Variants in MYOD1 observed in about 807,000 individuals in gnomAD.
MYOD1 encodes myoblast determination protein 1.
Under a neutral mutation model 14.9 loss-of-function variants are expected in MYOD1, and 15 were observed. The ratio of observed to expected loss-of-function variants is 1.01; its 90% confidence interval spans 0.67 to 1.55. The LOEUF (loss-of-function observed/expected upper bound fraction) is 1.55. MYOD1 is among the 40% of genes most tolerant of loss of function. The probability of loss-of-function intolerance (pLI) is 0.00; values close to 1 mark genes in which losing one functional copy is unlikely to be tolerated. For synonymous variants in MYOD1, 235 were observed against 218.6 expected (o/e 1.07, Z -0.66); for missense variants, 529 against 482.6 (o/e 1.10, Z -0.90).
rs931960758 is a variant in MYOD1 at position 17,719,905 on chromosome 11, C to T, written c.123C>T (p.Arg41=). 4 of 1,613,862 alleles carry T rather than the reference C, an allele frequency of 2.5e-6. No individual in the cohort carries two copies. The African/African-American group carries it at 5.3e-5, about 22-fold the overall frequency. ...DDPCFDSPDL[R]FFEDLDPRLM... Reference sequence around the variant, plus strand: ...CGTGTTTCGACTCCCCGGACCTGCGCTTCTTCGAAGACCTGGACCCGCGCC... The same window carrying T: ...CGTGTTTCGACTCCCCGGACCTGCGTTTCTTCGAAGACCTGGACCCGCGCC... Residue 41 remains arginine, a synonymous_variant, in exon 1 of 3, where the codon CGC becomes CGT. Coordinates refer to ENST00000250003, the MANE Select transcript of MYOD1 (RefSeq NM_002478.5).
At position 17,721,174 on chromosome 11, in the gene MYOD1, C is replaced by A; in HGVS notation, c.710-81C>A. ...CTAACTAAAGTCCTCAGTTTCCAATCTGTCTCAAAGTACTGGGCCCGGGGG... is the reference window on the plus strand; with the variant it reads ...CTAACTAAAGTCCTCAGTTTCCAATATGTCTCAAAGTACTGGGCCCGGGGG... On this transcript the variant is annotated intron_variant, in intron 2 of 2. Coordinates refer to ENST00000250003, the MANE Select transcript of MYOD1 (RefSeq NM_002478.5). This position sits in a 1 kb window ranked among gnomAD's most constrained non-coding sequence, Gnocchi z 6.2. The A allele has an allele frequency of 6.9e-7, 1 of 1,443,138 alleles. No homozygotes were observed. The highest frequency in any genetic ancestry group is 9.1e-7 in the Non-Finnish European group (1 of 1,097,076). 89.4% of individuals were successfully genotyped at this position (1,443,138 alleles called of 1,614,324 possible).
chr11:17,721,053 TC>T lies in MYOD1; in HGVS notation c.709+76del, dbSNP rs144067837. ...CTGTCCTGGCCTCTATCTAGGACGC[TC>T]CCACCCCCACTCACACACGCCTATG... On this transcript the variant is annotated intron_variant, in intron 2 of 2. Coordinates refer to ENST00000250003, the MANE Select transcript of MYOD1 (RefSeq NM_002478.5). This position sits in a 1 kb window ranked among gnomAD's most constrained non-coding sequence, Gnocchi z 6.2. 59,406 of 1,444,554 alleles carry T rather than the reference TC, an allele frequency of 0.041. 1,426 individuals carry two copies. Among genetic ancestry groups the T allele is most frequent in the Non-Finnish European group, 0.048 (52,422 of 1,086,802 alleles). The allele number at this position is 1,444,554 out of a possible 1,614,324, so 89.5% of individuals were successfully genotyped here.
At position 17,719,908 on chromosome 11, in the gene MYOD1, C is replaced by A. The variant is rs1848619077; in HGVS notation, c.126C>A (p.Phe42Leu). The A allele has an allele frequency of 6.2e-7, 1 of 1,613,846 alleles. No individual in the cohort carries two copies. Among genetic ancestry groups the A allele is most frequent in the Non-Finnish European group, 8.5e-7 (1 of 1,180,000 alleles). Residue 42 changes from phenylalanine to leucine, a missense_variant, in exon 1 of 3, where the codon TTC becomes TTA. By Grantham distance (22) the Phe-to-Leu change is conservative. Coordinates refer to ENST00000250003, the MANE Select transcript of MYOD1 (RefSeq NM_002478.5). ...DPCFDSPDLR[F>L]FEDLDPRLMH... The stretch of plus-strand genomic sequence containing the variant: ...GTTTCGACTCCCCGGACCTGCGCTT[C>A]TTCGAAGACCTGGACCCGCGCCTGA...
At position 17,721,532 on chromosome 11, in the gene MYOD1, C is replaced by G; in HGVS notation, c.*24C>G. 6.7e-7 allele frequency: 1 copy of G among 1,497,422 alleles called. No individual in the cohort carries two copies. The highest frequency in any genetic ancestry group is 8.9e-7 in the Non-Finnish European group (1 of 1,129,420). 92.8% of individuals were successfully genotyped at this position (1,497,422 alleles called of 1,614,324 possible). On this transcript the variant is annotated 3_prime_UTR_variant, in exon 3 of 3. Coordinates refer to ENST00000250003, the MANE Select transcript of MYOD1 (RefSeq NM_002478.5). This position sits in a 1 kb window ranked among gnomAD's most constrained non-coding sequence, Gnocchi z 6.2. The stretch of plus-strand genomic sequence containing the variant: ...GAGGGGATGGTGGCCGCCCACCCGC[C>G]CGAGGGATGGTGCCCCTAGGGTCCC...
rs1345016870 is a variant in MYOD1, at chr11:17,720,019, G to A, written c.237G>A (p.Glu79=). 6.3e-7 allele frequency: 1 copy of A among 1,590,770 alleles called. No individual in the cohort carries two copies. The highest frequency in any genetic ancestry group is 8.6e-7 in the Non-Finnish European group (1 of 1,168,946). Residue 79 remains glutamate (E), a synonymous_variant, in exon 1 of 3, where the codon GAG becomes GAA. Coordinates refer to ENST00000250003, the MANE Select transcript of MYOD1 (RefSeq NM_002478.5). ...CGGCCCCGGGCGCACGTGAGGACGA[G>A]CATGTGCGCGCGCCCAGCGGGCACC... ...VHPAPGARED[E]HVRAPSGHHQ...
rs1848626022 is a variant in MYOD1 at position 17,720,400 on chromosome 11, C to T, written c.618C>T (p.Cys206=). Reference sequence around the variant, plus strand: ...ACGCGTCCAGCCCGCGCTCCAACTGCTCCGACGGCATGGTAAGGCCGGGAC... The same window carrying T: ...ACGCGTCCAGCCCGCGCTCCAACTGTTCCGACGGCATGGTAAGGCCGGGAC... ...DSDASSPRSN[C]SDGMMDYSGP... Residue 206 remains cysteine, a synonymous_variant, in exon 1 of 3, where the codon TGC becomes TGT. Transcript: ENST00000250003. The T allele has an allele frequency of 1.3e-6, 2 of 1,564,088 alleles. No individual in the cohort carries two copies. Among genetic ancestry groups the T allele is most frequent in the South Asian group, 2.3e-5 (2 of 85,534 alleles).
Position 17,720,090 on chromosome 11 carries a change from G to A in MYOD1, c.308G>A (p.Arg103His), listed in dbSNP as rs1035088880. The A allele has an allele frequency of 6.4e-7, 1 of 1,573,052 alleles. No individual in the cohort carries two copies. The highest frequency in any genetic ancestry group is 1.1e-5 in the South Asian group (1 of 87,164). The change falls in exon 1 of 3, where the codon CGC becomes CAC. Residue 103 changes from arginine to histidine, a missense_variant. Arg to His is a conservative substitution (Grantham distance 29). Transcript: ENST00000250003. ...CTGTGGGCCTGCAAGGCGTGCAAGC[G>A]CAAGACCACCAACGCCGACCGCCGC... ...CLLWACKACK[R>H]KTTNADRRKA...
chr11:17,720,387 C>A lies in MYOD1; in HGVS notation c.605C>A (p.Pro202Gln). 1 of 1,563,350 alleles carries A rather than the reference C, an allele frequency of 6.4e-7. No homozygotes were observed. The highest frequency in any genetic ancestry group is 8.6e-7 in the Non-Finnish European group (1 of 1,164,578). Reference protein sequence around the residue: ...HYSGDSDASSPRSNCSDGMMD... With the variant: ...HYSGDSDASSQRSNCSDGMMD... ...AGCGGCGACTCCGACGCGTCCAGCCCGCGCTCCAACTGCTCCGACGGCATG... is the reference window on the plus strand; with the variant it reads ...AGCGGCGACTCCGACGCGTCCAGCCAGCGCTCCAACTGCTCCGACGGCATG... Residue 202 changes from proline to glutamine, a missense_variant, in exon 1 of 3, where the codon CCG (proline) becomes CAG (glutamine). Transcript: ENST00000250003.
In MYOD1 at chr11:17,720,122, G is replaced by A. The variant is rs1432646693; in HGVS notation, c.340G>A (p.Ala114Thr). The change falls in exon 1 of 3, where the codon GCC becomes ACC. Residue 114 changes from alanine to threonine, a missense_variant. By Grantham distance (58) the Ala-to-Thr change is moderately conservative. Coordinates refer to ENST00000250003, the MANE Select transcript of MYOD1 (RefSeq NM_002478.5). The stretch of plus-strand genomic sequence containing the variant: ...CACCAACGCCGACCGCCGCAAGGCC[G>A]CCACCATGCGCGAGCGGCGCCGCCT... ...KTTNADRRKA[A>T]TMRERRRLSK... is the part of the protein sequence containing the mutation. 1.9e-6 allele frequency: 3 copies of A among 1,590,330 alleles called. No individual in the cohort carries two copies. The highest frequency in any genetic ancestry group is 1.7e-6 in the Non-Finnish European group (2 of 1,169,412).
Position 17,721,530 on chromosome 11 carries a change from G to A in MYOD1, c.*22G>A, listed in dbSNP as rs1200950350. The stretch of plus-strand genomic sequence containing the variant: ...CTGAGGGGATGGTGGCCGCCCACCC[G>A]CCCGAGGGATGGTGCCCCTAGGGTC... On this transcript the variant is annotated 3_prime_UTR_variant, in exon 3 of 3. Coordinates refer to ENST00000250003, the MANE Select transcript of MYOD1 (RefSeq NM_002478.5). This position sits in a 1 kb window ranked among gnomAD's most constrained non-coding sequence, Gnocchi z 6.2. 1.3e-6 allele frequency: 2 copies of A among 1,497,582 alleles called. No homozygotes were observed. The highest frequency in any genetic ancestry group is 1.8e-6 in the Non-Finnish European group (2 of 1,129,384). The allele number at this position is 1,497,582 out of a possible 1,614,324, so 92.8% of individuals were successfully genotyped here. A position where few individuals can be genotyped will look rare whatever the true frequency, so the allele number is the denominator to read the frequency against.
rs1033976791 is a variant in MYOD1, at chr11:17,721,149, C to T, written c.710-106C>T. On this transcript the variant is annotated intron_variant, in intron 2 of 2. Coordinates refer to ENST00000250003, the MANE Select transcript of MYOD1 (RefSeq NM_002478.5). This position sits in a 1 kb window ranked among gnomAD's most constrained non-coding sequence, Gnocchi z 6.2. ...CCTGTCTTTTGGATTGTCCCGGACT[C>T]TAACTAAAGTCCTCAGTTTCCAATC... The T allele has an allele frequency of 7.1e-5, 102 of 1,432,194 alleles. 1 individual carries two copies. In the African/African-American group the frequency reaches 1.4e-3, roughly 19 times the overall value. The allele number at this position is 1,432,194 out of a possible 1,614,324, so 88.7% of individuals were successfully genotyped here.
In MYOD1 at chr11:17,719,688, T is replaced by G; in HGVS notation, c.-95T>G. 6.7e-7 allele frequency: 1 copy of G among 1,483,120 alleles called. No homozygotes were observed. The highest frequency in any genetic ancestry group is 9.0e-7 in the Non-Finnish European group (1 of 1,106,838). The allele number at this position is 1,483,120 out of a possible 1,614,324, so 91.9% of individuals were successfully genotyped here. ...CATTCAGACTGCCAGCACTTTGCTA[T>G]CTACAGCCGGGGCTCCCGAGCGGCA... On this transcript the variant is annotated 5_prime_UTR_variant, in exon 1 of 3. Coordinates refer to ENST00000250003, the MANE Select transcript of MYOD1 (RefSeq NM_002478.5).
chr11:17,719,962 A>C lies in MYOD1; in HGVS notation c.180A>C (p.Glu60Asp). Residue 60 changes from glutamate to aspartate, a missense_variant, in exon 1 of 3, where the codon GAA becomes GAC. Physicochemically the swap from Glu to Asp is conservative, Grantham distance 45. Transcript: ENST00000250003. ...ACGTGGGCGCGCTCCTGAAACCCGAAGAGCACTCGCACTTCCCCGCGGCGG... is the reference window on the plus strand; with the variant it reads ...ACGTGGGCGCGCTCCTGAAACCCGACGAGCACTCGCACTTCCCCGCGGCGG... ...LMHVGALLKP[E>D]EHSHFPAAVH... 1 of 1,613,268 alleles carries C rather than the reference A, an allele frequency of 6.2e-7. No homozygotes were observed. Among genetic ancestry groups the C allele is most frequent in the Non-Finnish European group, 8.5e-7 (1 of 1,179,844 alleles).
In MYOD1 at chr11:17,722,027, C is replaced by T. The variant is rs1848644062; in HGVS notation, c.*519C>T. On this transcript the variant is annotated 3_prime_UTR_variant, in exon 3 of 3. Coordinates refer to ENST00000250003, the MANE Select transcript of MYOD1 (RefSeq NM_002478.5). ...GGAGCCCCTGGGGCTGTATTTATCT[C>T]TGAGGCATGGTGTGTGGTGCTACAG... The T allele has an allele frequency of 4.8e-6, 1 of 208,080 alleles. No homozygotes were observed. Among genetic ancestry groups the T allele is most frequent in the South Asian group, 1.9e-4 (1 of 5,312 alleles). 12.9% of individuals were successfully genotyped at this position (208,080 alleles called of 1,614,324 possible). A position where few individuals can be genotyped will look rare whatever the true frequency, so the allele number is the denominator to read the frequency against.
rs545519590 is a variant in MYOD1 at position 17,721,454 on chromosome 11, C to A, written c.909C>A (p.Ala303=). Reference sequence around the variant, plus strand: ...GCGACCCCACCCAGTCACCGGACGCCGCCCCGCAGTGCCCTGCGGGTGCGA... The same window carrying A: ...GCGACCCCACCCAGTCACCGGACGCAGCCCCGCAGTGCCCTGCGGGTGCGA... ...SSGDPTQSPD[A]APQCPAGANP... is the part of the protein sequence containing the mutation. The change falls in exon 3 of 3, where the codon GCC becomes GCA. Residue 303 remains alanine, a synonymous_variant. Transcript: ENST00000250003. The surrounding 1 kb of genome is among the most constrained non-coding windows in gnomAD (Gnocchi z 6.2). The A allele has an allele frequency of 1.9e-6, 3 of 1,595,998 alleles. No homozygotes were observed. Among genetic ancestry groups the A allele is most frequent in the Non-Finnish European group, 2.5e-6 (3 of 1,176,674 alleles).
In MYOD1 at chr11:17,721,274, T is replaced by G. The variant is rs1291132089; in HGVS notation, c.729T>G (p.Ser243Arg). 1.3e-6 allele frequency: 2 copies of G among 1,553,988 alleles called. No homozygotes were observed. Among genetic ancestry groups the G allele is most frequent in the East Asian group, 4.7e-5 (2 of 42,748 alleles). The change falls in exon 3 of 3, where the codon AGT becomes AGG. Residue 243 changes from serine (S) to arginine (R), a missense_variant. Physicochemically the swap from Ser to Arg is moderately radical, Grantham distance 110 (BLOSUM62 -1). Coordinates refer to ENST00000250003, the MANE Select transcript of MYOD1 (RefSeq NM_002478.5). This position sits in a 1 kb window ranked among gnomAD's most constrained non-coding sequence, Gnocchi z 6.2. ...GCGCAGAACCCAGGCCCGGGAAGAGTGCGGCGGTGTCGAGCCTAGACTGCC... is the reference window on the plus strand; with the variant it reads ...GCGCAGAACCCAGGCCCGGGAAGAGGGCGGCGGTGTCGAGCCTAGACTGCC... ...EAPSEPRPGKSAAVSSLDCLS... is the reference protein window; with the variant it reads ...EAPSEPRPGKRAAVSSLDCLS...
At position 17,721,855 on chromosome 11, in the gene MYOD1, TG is replaced by T. The variant is rs956820792; in HGVS notation, c.*354del. The stretch of plus-strand genomic sequence containing the variant: ...CCTGCCCCGGGATGCACCGGTTATT[TG>T]GGGGGGCGTGAGACCCAGTGCACTC... On this transcript the variant is annotated 3_prime_UTR_variant, in exon 3 of 3. Coordinates refer to ENST00000250003, the MANE Select transcript of MYOD1 (RefSeq NM_002478.5). This position sits in a 1 kb window ranked among gnomAD's most constrained non-coding sequence, Gnocchi z 6.2. 8 of 312,116 alleles carry T rather than the reference TG, an allele frequency of 2.6e-5. No homozygotes were observed. The highest frequency in any genetic ancestry group is 4.7e-5 in the Non-Finnish European group (8 of 171,418). The allele number at this position is 312,116 out of a possible 1,614,324, so 19.3% of individuals were successfully genotyped here. A position where few individuals can be genotyped will look rare whatever the true frequency, so the allele number is the denominator to read the frequency against.
At position 17,719,723 on chromosome 11, in the gene MYOD1, G is replaced by A; in HGVS notation, c.-60G>A. The A allele has an allele frequency of 1.3e-6, 2 of 1,540,446 alleles. No homozygotes were observed. Among genetic ancestry groups the A allele is most frequent in the African/African-American group, 1.4e-5 (1 of 72,742 alleles). On this transcript the variant is annotated 5_prime_UTR_variant, in exon 1 of 3. Transcript: ENST00000250003. Reference sequence around the variant, plus strand: ...GGGCTCCCGAGCGGCAGAAAGTTCCGGCCACTCTCTGCCGCTTGGGTTGGG... The same window carrying A: ...GGGCTCCCGAGCGGCAGAAAGTTCCAGCCACTCTCTGCCGCTTGGGTTGGG...
At position 17,721,264 on chromosome 11, in the gene MYOD1, C is replaced by A; in HGVS notation, c.719C>A (p.Pro240His). Residue 240 changes from proline to histidine, a missense_variant, in exon 3 of 3, where the codon CCC becomes CAC. By Grantham distance (77) the Pro-to-His change is moderately conservative. Coordinates refer to ENST00000250003, the MANE Select transcript of MYOD1 (RefSeq NM_002478.5). The surrounding 1 kb of genome is among the most constrained non-coding windows in gnomAD (Gnocchi z 6.2). ...AGCCCTCCCCGCGCAGAACCCAGGCCCGGGAAGAGTGCGGCGGTGTCGAGC... is the reference window on the plus strand; with the variant it reads ...AGCCCTCCCCGCGCAGAACCCAGGCACGGGAAGAGTGCGGCGGTGTCGAGC... ...YYNEAPSEPR[P>H]GKSAAVSSLD... The A allele has an allele frequency of 6.4e-7, 1 of 1,560,372 alleles. No homozygotes were observed. The highest frequency in any genetic ancestry group is 2.3e-5 in the East Asian group (1 of 43,560).
Sources: gnomAD v4.1 joint callset for allele counts on GRCh38, gnomAD v4.1.1 for gene constraint, Gnocchi (gnomAD v3.1) non-coding constraint, MANE v1.5 for transcripts, NCBI Gene and HGNC (gene_info 2026-07-23, HGNC 2026-07-21) for gene names.